ZNF133: variants seen among roughly 807,000 people sequenced by gnomAD.
The protein encoded by ZNF133 is zinc finger protein 133.
In ZNF133, 26 loss-of-function variants were observed where a neutral mutation model predicts 54.9. That is an observed-to-expected ratio of 0.47 (90% confidence interval 0.35 to 0.66). ZNF133 has a LOEUF of 0.66. Ranked by LOEUF, ZNF133 falls within the 30% of genes least tolerant of loss-of-function variation. ZNF133 has a pLI of 0.01. For missense variants in ZNF133, 653 were observed against 820.8 expected, an observed-to-expected ratio of 0.80 and a Z score of 2.50; for synonymous variants, 298 against 320.3, an observed-to-expected ratio of 0.93 and a Z score of 0.74.
Position 18,316,224 on chromosome 20 carries a change from A to T in ZNF133, c.1373A>T (p.Asn458Ile). ...AAGTCACACCTCAACAGACACCAGA[A>T]CATACACTCAGGAGAGAAGCCCATT... ...SLKSHLNRHQ[N>I]IHSGEKPIVC... The change falls in exon 7 of 7, where the codon AAC becomes ATC. Residue 458 changes from asparagine to isoleucine, a missense_variant. Physicochemically the swap from Asn to Ile is moderately radical, Grantham distance 149 (BLOSUM62 -3). Transcript: ENST00000425686. 1 of 1,602,554 alleles carries T rather than the reference A, an allele frequency of 6.2e-7. No homozygotes were observed. The highest frequency in any genetic ancestry group is 8.5e-7 in the Non-Finnish European group (1 of 1,175,460).
rs1410108472 is a variant in ZNF133 at position 18,315,684 on chromosome 20, G to A, written c.833G>A (p.Gly278Asp). ...KPIVCRECGR[G>D]FNRKSTLIIH... ...ATTGTGTGCAGGGAGTGTGGACGAG[G>A]CTTTAACCGGAAGTCAACGCTAATC... Residue 278 changes from glycine (G) to aspartate (D), a missense_variant, in exon 7 of 7, where the codon GGC (glycine) becomes GAC (aspartate). Transcript: ENST00000425686. The A allele has an allele frequency of 1.2e-6, 2 of 1,613,980 alleles. No homozygotes were observed. Among genetic ancestry groups the A allele is most frequent in the Non-Finnish European group, 1.7e-6 (2 of 1,179,892 alleles).
chr20:18,315,022 G>T, intron 6 of ZNF133, 47 bp from the exon 7 acceptor site: 1 of 1,503,368 alleles, frequency 6.7e-7, no homozygotes, highest in East Asian at 2.3e-5. Flanking sequence ...GATTGCTCAG[G>T]CTGCCCACTG....
intron 1 of ZNF133, among the ~76,000 whole-genome samples, chr20:18,297,276 A>G (rs1048773824): frequency 1.3e-5 from 2 of 151,896 alleles, no homozygotes; most frequent in African/African-American, 2.4e-5. Context: ...ATTTCAATCT[A>G]TTCCTCCTTG....
chr20:18,299,438 G>A (rs913780644), intron 3 of ZNF133, among the ~76,000 whole-genome samples: 6 of 152,182 alleles, frequency 3.9e-5, no homozygotes, highest in African/African-American at 1.4e-4. Context: ...CAGAGCCTAA[G>A]GGAACTATGG....
intron 6 of ZNF133, among the ~76,000 whole-genome samples, chr20:18,311,746 A>G (rs1281466498): frequency 6.6e-6 from 1 of 152,214 alleles, no homozygotes; most frequent in African/African-American, 2.4e-5. Flanking sequence ...TTGAAAAACA[A>G]CTTAATCAGT....
intron 1 of ZNF133, among the ~76,000 whole-genome samples, chr20:18,291,506 C>T (rs1369287821): frequency 6.6e-6 from 1 of 151,880 alleles, no homozygotes; most frequent in Non-Finnish European, 1.5e-5. Flanking sequence ...TTTACTGGCT[C>T]TTCCTTCCCT....
intron 3 of ZNF133, among the ~76,000 whole-genome samples, chr20:18,302,160 G>C (rs1346670673): frequency 1.3e-5 from 2 of 152,218 alleles, no homozygotes; most frequent in East Asian, 3.9e-4. Context: ...CAGCACTTTG[G>C]GGGGCCGAGG....
intron 3 of ZNF133, among the ~76,000 whole-genome samples, chr20:18,298,787 C>A (rs1030044697): frequency 1.3e-5 from 2 of 152,130 alleles, no homozygotes; most frequent in Middle Eastern, 3.4e-3. Context: ...TTCTCTTTTT[C>A]CCCTTTGAGA....
chr20:18,315,662 G>C lies in ZNF133; in HGVS notation c.811G>C (p.Val271Leu). The C allele has an allele frequency of 6.2e-7, 1 of 1,614,126 alleles. No individual in the cohort carries two copies. Among genetic ancestry groups the C allele is most frequent in the Non-Finnish European group, 8.5e-7 (1 of 1,179,992 alleles). Residue 271 changes from valine to leucine, a missense_variant, in exon 7 of 7, where the codon GTG (valine) becomes CTG (leucine). This residue lies in a region of ZNF133 where 292 missense variants were observed against 431.6 expected (regional missense o/e 0.68). Coordinates refer to ENST00000425686, the MANE Select transcript of ZNF133 (RefSeq NM_001352452.2). The part of the protein sequence containing the change: ...QKAHSGEKPI[V>L]CRECGRGFNR... ...GGCACACTCGGGGGAGAAGCCAATTGTGTGCAGGGAGTGTGGACGAGGCTT... is the reference window on the plus strand; with the variant it reads ...GGCACACTCGGGGGAGAAGCCAATTCTGTGCAGGGAGTGTGGACGAGGCTT...
At chr20:18,312,079 G>T (rs2046183453) in intron 6 of ZNF133, among the ~76,000 whole-genome samples, 1 of 152,272 alleles carries the variant, frequency 6.6e-6, no homozygotes, top group Admixed American at 6.5e-5. Flanking sequence ...TTGGGTATAG[G>T]ACCCTAGTCT....
rs770264723 is a variant in ZNF133, at chr20:18,316,267, C to A, written c.1416C>A (p.Gly472=). Residue 472 remains glycine, a synonymous_variant, in exon 7 of 7, where the codon GGC becomes GGA. Transcript: ENST00000425686. The part of the protein sequence containing the change: ...GEKPIVCKDC[G]RGFSQQSNLI... ...AGCCCATTGTGTGCAAGGACTGTGG[C>A]CGGGGCTTCAGCCAGCAATCCAACC... The A allele has an allele frequency of 6.2e-7, 1 of 1,610,282 alleles. No homozygotes were observed. Among genetic ancestry groups the A allele is most frequent in the South Asian group, 1.1e-5 (1 of 90,474 alleles).
At chr20:18,295,305 C>G (rs2146989335) in intron 1 of ZNF133, 1 of 152,482 alleles carries the variant, frequency 6.6e-6, no homozygotes. Flanking sequence ...GATGGTCATC[C>G]TCCTTGACTG....
At position 18,305,115 on chromosome 20, in the gene ZNF133, C is replaced by T. The variant is rs1033188050; in HGVS notation, c.-70C>T. The T allele has an allele frequency of 2.0e-6, 2 of 985,558 alleles. No individual in the cohort carries two copies. Among genetic ancestry groups the T allele is most frequent in the Admixed American group, 1.2e-4 (2 of 16,264 alleles). The allele number at this position is 985,558 out of a possible 1,614,324, so 61.1% of individuals were successfully genotyped here. A position where few individuals can be genotyped will look rare whatever the true frequency, so the allele number is the denominator to read the frequency against. ...ATTTTTGGACTGAGTGGCCAAGAAG[C>T]TCCATGGTGAGCACTCACAGTCTAA... On this transcript the variant is annotated 5_prime_UTR_variant, in exon 4 of 7. Coordinates refer to ENST00000425686, the MANE Select transcript of ZNF133 (RefSeq NM_001352452.2). This position sits in a 1 kb window ranked among gnomAD's most constrained non-coding sequence, Gnocchi z 4.7.
rs1411556251 is a variant in ZNF133, at chr20:18,316,154, G to A, written c.1303G>A (p.Glu435Lys). The A allele has an allele frequency of 1.2e-6, 2 of 1,612,400 alleles. No individual in the cohort carries two copies. The highest frequency in any genetic ancestry group is 3.3e-5 in the Admixed American group (2 of 59,950). The stretch of plus-strand genomic sequence containing the variant: ...CTCTCACAGGCGGACACACACTGGG[G>A]AGAAGCCGTATGTTTGTGGGGTGTG... ...LISHRRTHTG[E>K]KPYVCGVCGR... is the part of the protein sequence containing the mutation. The change falls in exon 7 of 7, where the codon GAG becomes AAG. Residue 435 changes from glutamate (E) to lysine (K), a missense_variant. This residue lies in a region of ZNF133 where 292 missense variants were observed against 431.6 expected (regional missense o/e 0.68). Transcript: ENST00000425686.
intron 3 of ZNF133, among the ~76,000 whole-genome samples, chr20:18,301,413 A>T (rs562007908): frequency 6.6e-6 from 1 of 152,240 alleles, no homozygotes; most frequent in East Asian, 1.9e-4. Context: ...GAAATAATAA[A>T]CACTGGAGCA....
chr20:18,298,079 T>C lies in ZNF133; in HGVS notation c.-354+17T>C. Reference sequence around the variant, plus strand: ...AGGGGAATGGTGAGTGTTTCCTGTCTCCATTACTGGCTGTAACAGGATGGA... The same window carrying C: ...AGGGGAATGGTGAGTGTTTCCTGTCCCCATTACTGGCTGTAACAGGATGGA... On this transcript the variant is annotated intron_variant, in intron 2 of 6. Transcript: ENST00000425686. The C allele has an allele frequency of 6.5e-7, 1 of 1,535,486 alleles. No individual in the cohort carries two copies. Among genetic ancestry groups the C allele is most frequent in the Non-Finnish European group, 8.7e-7 (1 of 1,146,780 alleles).
chr20:18,315,239 C>A lies in ZNF133; in HGVS notation c.388C>A (p.Gln130Lys), dbSNP rs1320144757. The A allele has an allele frequency of 7.4e-6, 12 of 1,614,036 alleles. No homozygotes were observed. The highest frequency in any genetic ancestry group is 1.0e-5 in the Non-Finnish European group (12 of 1,179,988). ...TCCGGGCCCAGGGGACCAGGAGAAG[C>A]AGCAACAAGCCTCTGAGGGGAGACC... ...GDPGPGDQEK[Q>K]QQASEGRPWS... Residue 130 changes from glutamine to lysine, a missense_variant, in exon 7 of 7, where the codon CAG becomes AAG. Physicochemically the swap from Gln to Lys is moderately conservative, Grantham distance 53. Transcript: ENST00000425686.
chr20:18,306,128 C>G (rs984485573), intron 5 of ZNF133, 170 bp from the exon 6 acceptor site: 29 of 642,276 alleles, frequency 4.5e-5, no homozygotes, highest in Non-Finnish European at 7.8e-5. Flanking sequence ...AGTGTACTCT[C>G]ATCTGAGTTC....
intron 1 of ZNF133, 140 bp downstream of exon 1, chr20:18,288,744 C>G: frequency 2.5e-6 from 1 of 398,002 alleles, no homozygotes; most frequent in South Asian, 1.4e-4. Flanking sequence ...TGGGAACGCG[C>G]TGGCGTGGCG....
Sources: gnomAD v4.1 joint callset for allele counts (sites outside exome capture counted in the v4.1 genomes callset) on GRCh38, gnomAD v4.1.1 for gene constraint, gnomAD v4.1.1 regional missense constraint, Gnocchi (gnomAD v3.1) non-coding constraint, MANE v1.5 for transcripts, NCBI Gene and HGNC (gene_info 2026-07-23, HGNC 2026-07-21) for gene names.